PIEZO2: variants seen among roughly 807,000 people sequenced by gnomAD.
PIEZO2 encodes the protein piezo type mechanosensitive ion channel component 2.
In PIEZO2, 172 loss-of-function variants were observed where a neutral mutation model predicts 337.3. The ratio of observed to expected loss-of-function variants is 0.51; its 90% CI spans 0.45 to 0.58. The LOEUF is 0.58. Among genes scored for constraint, PIEZO2 ranks in the 20% least tolerant of loss-of-function variants. The pLI is 0.00. For missense variants in PIEZO2, 3,028 were observed against 3,391.3 expected, an observed-to-expected ratio of 0.89 and a Z score of 2.66; for synonymous variants, 1,251 against 1,228.5, an observed-to-expected ratio of 1.02 and a Z score of -0.38.
intron 7 of PIEZO2, among the ~76,000 whole-genome samples, chr18:10,822,284 A>G (rs1437002934): frequency 6.6e-6 from 1 of 152,204 alleles, no homozygotes; most frequent in African/African-American, 2.4e-5. Flanking sequence ...ATCTCTTGCT[A>G]ATGGCTTACC....
chr18:10,934,934 C>G (rs366198), intron 3 of PIEZO2, among the ~76,000 whole-genome samples: 93,054 of 151,444 alleles, frequency 0.61, 28,884 homozygotes, highest in East Asian at 0.74. Flanking sequence ...ACAGACGTGG[C>G]AACCGAGGCC....
chr18:11,147,375 C>CTCT (rs1286308286), intron 1 of PIEZO2, among the ~76,000 whole-genome samples: 1 of 152,218 alleles, frequency 6.6e-6, no homozygotes, highest in Non-Finnish European at 1.5e-5. Flanking sequence ...GCCTCCCAGA[C>CTCT]TCTTCACTCA....
intron 30 of PIEZO2, among the ~76,000 whole-genome samples, chr18:10,745,096 G>A (rs2037371115): frequency 6.6e-6 from 1 of 151,918 alleles, no homozygotes. Context: ...CTTCCCAGAG[G>A]GAACACAAAT....
At chr18:10,873,706 T>C (rs1568151996) in intron 4 of PIEZO2, among the ~76,000 whole-genome samples, 1 of 152,128 alleles carries the variant, frequency 6.6e-6, no homozygotes, top group Non-Finnish European at 1.5e-5. Context: ...AAAACTTAAT[T>C]AAAGAGTCTT....
rs1483053516 is a variant in PIEZO2, at chr18:11,104,291, G to A, written c.65-38069C>T. On this transcript the variant is annotated intron_variant, in intron 1 of 55. Transcript: ENST00000674853. This position sits in a 1 kb window ranked among gnomAD's most constrained non-coding sequence, Gnocchi z 4.6. ...TGGCAGTGTGGGGAGAATATCGTGA[G>A]GAAGAATCCTATGCAGAAAGCTATG... 6.6e-6 allele frequency among the ~76,000 whole-genome samples: 1 copy of A among 152,176 alleles called. No individual in the cohort carries two copies. Among genetic ancestry groups the A allele is most frequent in the Non-Finnish European group, 1.5e-5 (1 of 68,030 alleles).
At chr18:10,714,040 A>C (rs1317482437) in intron 39 of PIEZO2, among the ~76,000 whole-genome samples, 1 of 152,190 alleles carries the variant, frequency 6.6e-6, no homozygotes, top group Non-Finnish European at 1.5e-5. Flanking sequence ...TCTGAGCTAA[A>C]CCACATGATT....
At chr18:10,994,441 T>C (rs2035227910) in intron 2 of PIEZO2, among the ~76,000 whole-genome samples, 1 of 151,110 alleles carries the variant, frequency 6.6e-6, no homozygotes, top group African/African-American at 2.4e-5. Context: ...GCTCTGTTGC[T>C]CTCTATTGCT....
chr18:10,965,969 G>C (rs1199071950), intron 3 of PIEZO2, among the ~76,000 whole-genome samples: 1 of 152,142 alleles, frequency 6.6e-6, no homozygotes, highest in Admixed American at 6.5e-5. Flanking sequence ...ATAATGTCTG[G>C]TACAGATTCC....
At chr18:10,904,073 G>C (rs533648807) in intron 4 of PIEZO2, among the ~76,000 whole-genome samples, 10 of 152,300 alleles carry the variant, frequency 6.6e-5, no homozygotes, top group African/African-American at 2.2e-4. Context: ...TAGGAGTTAT[G>C]TGTAAACATA....
chr18:10,678,933 CTT>C (rs552952913), intron 52 of PIEZO2, among the ~76,000 whole-genome samples: 23 of 128,512 alleles, frequency 1.8e-4, no homozygotes, highest in Non-Finnish European at 1.3e-4. Context: ...GCTGCAATTT[CTT>C]TTTTTTTTTT....
intron 3 of PIEZO2, among the ~76,000 whole-genome samples, chr18:10,933,225 C>T (rs1466573246): frequency 6.6e-6 from 1 of 151,976 alleles, no homozygotes; most frequent in Admixed American, 6.6e-5. Flanking sequence ...AAAAAAGATA[C>T]CTAGCTTTTT....
At chr18:10,955,874 T>C (rs763650917) in intron 3 of PIEZO2, among the ~76,000 whole-genome samples, 11 of 152,232 alleles carry the variant, frequency 7.2e-5, no homozygotes, top group Admixed American at 1.3e-4. Context: ...TGTTTGTTTG[T>C]TTTTAAGCTA....
chr18:10,932,451 C>T (rs566711354), intron 3 of PIEZO2, among the ~76,000 whole-genome samples: 1 of 152,192 alleles, frequency 6.6e-6, no homozygotes, highest in Admixed American at 6.5e-5. Flanking sequence ...TCTCCACCTG[C>T]TTGGAAAATA....
chr18:10,924,773 T>C (rs1258733053), intron 3 of PIEZO2, among the ~76,000 whole-genome samples: 1 of 152,250 alleles, frequency 6.6e-6, no homozygotes, highest in African/African-American at 2.4e-5. Flanking sequence ...GGATTTTTTC[T>C]TTTATATTCC....
chr18:11,140,026 T>C (rs1365122826), intron 1 of PIEZO2, among the ~76,000 whole-genome samples: 1 of 152,128 alleles, frequency 6.6e-6, no homozygotes, highest in African/African-American at 2.4e-5. Flanking sequence ...TCTTTGGTGA[T>C]CACATGGCCC....
intron 1 of PIEZO2, among the ~76,000 whole-genome samples, chr18:11,106,543 G>A (rs1012120491): frequency 6.6e-6 from 1 of 151,238 alleles, no homozygotes; most frequent in Non-Finnish European, 1.5e-5. Flanking sequence ...AAGAATCTGG[G>A]ACCACAACCA....
At chr18:10,840,676 G>T (rs770214209) in intron 7 of PIEZO2, among the ~76,000 whole-genome samples, 3 of 152,036 alleles carry the variant, frequency 2.0e-5, no homozygotes, top group Non-Finnish European at 4.4e-5. Context: ...TATGTAATTG[G>T]ATAATACTGA....
At chr18:10,797,676 C>G (rs1356739438) in intron 11 of PIEZO2, among the ~76,000 whole-genome samples, 154 bp from the exon 12 acceptor site, 1 of 152,154 alleles carries the variant, frequency 6.6e-6, no homozygotes, top group Admixed American at 6.5e-5. Context: ...AAAATTCAAA[C>G]AGAATCAGTA....
At position 11,146,558 on chromosome 18, in the gene PIEZO2, T is replaced by C. The variant is rs2040817116; in HGVS notation, c.64+1967A>G. Among the ~76,000 whole-genome samples, 2 of 152,300 alleles carry C rather than the reference T, an allele frequency of 1.3e-5. No individual in the cohort carries two copies. The highest frequency in any genetic ancestry group is 4.8e-5 in the African/African-American group (2 of 41,576). ...GGAGGGCAGAGTACTACAGCCCTACTGAAGGAGTTTTTAGCATAGGCCACC... is the reference window on the plus strand; with the variant it reads ...GGAGGGCAGAGTACTACAGCCCTACCGAAGGAGTTTTTAGCATAGGCCACC... On this transcript the variant is annotated intron_variant, in intron 1 of 55. Coordinates refer to ENST00000674853, the MANE Select transcript of PIEZO2 (RefSeq NM_001378183.1). The surrounding 1 kb of genome is among the most constrained non-coding windows in gnomAD (Gnocchi z 6.1).
Sources: gnomAD v4.1 joint callset for allele counts (sites outside exome capture counted in the v4.1 genomes callset) on GRCh38, gnomAD v4.1.1 for gene constraint, Gnocchi (gnomAD v3.1) non-coding constraint, MANE v1.5 for transcripts, NCBI Gene and HGNC (gene_info 2026-07-23, HGNC 2026-07-21) for gene names.